COL5A3: variants seen among roughly 807,000 people sequenced by gnomAD.
COL5A3 encodes the protein collagen alpha-3(V) chain.
Under a neutral mutation model 250.0 loss-of-function variants are expected in COL5A3, and 172 were observed. The observed-to-expected ratio is 0.69, with a 90% CI of 0.61 to 0.78. The LOEUF (loss-of-function observed/expected upper bound fraction) is 0.78. Ranked by LOEUF, COL5A3 falls within the 30% of genes least tolerant of loss-of-function variation. COL5A3 has a pLI of 0.00. For missense variants in COL5A3, 2,340 were observed against 2,334.4 expected (o/e 1.00, Z -0.05); for synonymous variants, 937 against 900.4 (o/e 1.04, Z -0.73).
In COL5A3 at chr19:10,004,214, C is replaced by T. The variant is rs2087406787; in HGVS notation, c.595-69G>A. 8.6e-6 allele frequency: 10 copies of T among 1,161,976 alleles called. No individual in the cohort carries two copies. The South Asian group carries it at 8.8e-5, about 10-fold the overall frequency. The allele number at this position is 1,161,976 out of a possible 1,614,324, so 72.0% of individuals were successfully genotyped here. On this transcript the variant is annotated intron_variant, in intron 4 of 66. Transcript: ENST00000264828. ...CCATAGGCTTACTCTGACCCCCTAACCCCCAGCAGTCCTGCCCACCTCCTG... is the reference window on the plus strand; with the variant it reads ...CCATAGGCTTACTCTGACCCCCTAATCCCCAGCAGTCCTGCCCACCTCCTG...
Position 9,997,505 on chromosome 19 carries a change from T to A in COL5A3, c.1201-72A>T, listed in dbSNP as rs537812392. 1.2e-5 allele frequency: 12 copies of A among 990,142 alleles called. No individual in the cohort carries two copies. The South Asian group carries it at 1.9e-4, about 15-fold the overall frequency. The allele number at this position is 990,142 out of a possible 1,614,324, so 61.3% of individuals were successfully genotyped here. On this transcript the variant is annotated intron_variant, in intron 10 of 66. Transcript: ENST00000264828. ...GCTAGGCTGACTTTCAACCTACCAC[T>A]GACTCTAACCTCAGGCTGACCTCCC...
Position 10,005,798 on chromosome 19 carries a change from G to C in COL5A3, c.435C>G (p.Gly145=), listed in dbSNP as rs915268885. The change falls in exon 3 of 67, where the codon GGC becomes GGG. Residue 145 remains glycine, a splice_region_variant and synonymous_variant. Transcript: ENST00000264828. ...PLPQQVNLTD[G]RWHRVAVSID... is the part of the protein sequence containing the mutation. ...CCGCCCACTCTCCCCATGCTCACCT[G>C]CCATCTGTGAGGTTGACCTGCTGGG... 1 of 1,609,588 alleles carries C rather than the reference G, an allele frequency of 6.2e-7. No homozygotes were observed. Among genetic ancestry groups the C allele is most frequent in the East Asian group, 2.2e-5 (1 of 44,802 alleles).
Position 9,993,036 on chromosome 19 carries a change from T to C in COL5A3, c.1781A>G (p.Gln594Arg). The change falls in exon 20 of 67, where the codon CAG (glutamine) becomes CGG (arginine). Residue 594 changes from glutamine (Q) to arginine (R), a missense_variant. Physicochemically the swap from Gln to Arg is conservative, Grantham distance 43 (BLOSUM62 1). Coordinates refer to ENST00000264828, the MANE Select transcript of COL5A3 (RefSeq NM_015719.4). ...GAEGPPGPTG[Q>R]AGEPGPRGLL... Reference sequence around the variant, plus strand: ...CCTGATACTCACCGGCTCCCCAGCCTGGCCAGTGGGCCCTGGAGGTCCCTC... The same window carrying C: ...CCTGATACTCACCGGCTCCCCAGCCCGGCCAGTGGGCCCTGGAGGTCCCTC... 1 of 1,613,892 alleles carries C rather than the reference T, an allele frequency of 6.2e-7. No individual in the cohort carries two copies.
At chr19:9,974,011 C>A (rs751909310) in intron 47 of COL5A3, 39 bp from the exon 48 acceptor site, 1 of 1,525,700 alleles carries the variant, frequency 6.6e-7, no homozygotes, top group Admixed American at 2.1e-5. Flanking sequence ...GACCCCAGGC[C>A]CCTCTCCCCA....
At chr19:9,966,258 G>A in intron 64 of COL5A3, 56 bp downstream of exon 64, 2 of 1,316,192 alleles carry the variant, frequency 1.5e-6, no homozygotes, top group Non-Finnish European at 2.2e-6. Flanking sequence ...TTGTGGGTGT[G>A]GGGAGCAGGG....
At position 9,976,577 on chromosome 19, in the gene COL5A3, G is replaced by T; in HGVS notation, c.3323C>A (p.Ala1108Glu). The change falls in exon 45 of 67, where the codon GCA becomes GAA. Residue 1108 changes from alanine to glutamate, a missense_variant. By Grantham distance (107) the Ala-to-Glu change is moderately radical. This residue lies in a region of COL5A3 where 1,179 missense variants were observed against 1,162.6 expected (regional missense o/e 1.01). Coordinates refer to ENST00000264828, the MANE Select transcript of COL5A3 (RefSeq NM_015719.4). ...PPGQPGIRGP[A>E]GHPGPPGADG... ...ACTCACCGGGGGACCTGGGTGTCCTGCAGGACCCCGTATCCCTGGTTGTCC... is the reference window on the plus strand; with the variant it reads ...ACTCACCGGGGGACCTGGGTGTCCTTCAGGACCCCGTATCCCTGGTTGTCC... 1 of 1,569,312 alleles carries T rather than the reference G, an allele frequency of 6.4e-7. No individual in the cohort carries two copies. The highest frequency in any genetic ancestry group is 8.6e-7 in the Non-Finnish European group (1 of 1,164,754).
chr19:9,986,043 C>T, intron 30 of COL5A3, 148 bp from the exon 31 acceptor site: 2 of 753,388 alleles, frequency 2.7e-6, no homozygotes, highest in South Asian at 3.2e-5. Flanking sequence ...CTGCTAGGGG[C>T]ATGTCCTTGG....
Position 9,976,610 on chromosome 19 carries a change from C to A in COL5A3, c.3290G>T (p.Gly1097Val). ...CCGTATCCCTGGTTGTCCAGGTGGG[C>A]CCTGGGAGAACAGGAAACAGAATCA... ...KGSKGDKGDA[G>V]PPGQPGIRGP... is the part of the protein sequence containing the mutation. Residue 1097 changes from glycine to valine, a missense_variant and splice_region_variant, in exon 45 of 67, where the codon GGC (glycine) becomes GTC (valine). Physicochemically the swap from Gly to Val is moderately radical, Grantham distance 109. This residue lies in a region of COL5A3 where 1,179 missense variants were observed against 1,162.6 expected (regional missense o/e 1.01). Coordinates refer to ENST00000264828, the MANE Select transcript of COL5A3 (RefSeq NM_015719.4). 1 of 1,576,478 alleles carries A rather than the reference C, an allele frequency of 6.3e-7. No homozygotes were observed. Among genetic ancestry groups the A allele is most frequent in the Non-Finnish European group, 8.6e-7 (1 of 1,164,950 alleles).
At position 10,010,306 on chromosome 19, in the gene COL5A3, G is replaced by C; in HGVS notation, c.80C>G (p.Thr27Arg). 1 of 1,449,660 alleles carries C rather than the reference G, an allele frequency of 6.9e-7. No homozygotes were observed. The highest frequency in any genetic ancestry group is 9.1e-7 in the Non-Finnish European group (1 of 1,095,682). 89.8% of individuals were successfully genotyped at this position (1,449,660 alleles called of 1,614,324 possible). A position where few individuals can be genotyped will look rare whatever the true frequency, so the allele number is the denominator to read the frequency against. The change falls in exon 1 of 67, where the codon ACG becomes AGG. Residue 27 changes from threonine (T) to arginine (R), a missense_variant. Physicochemically the swap from Thr to Arg is moderately conservative, Grantham distance 71. This residue lies in a region of COL5A3 where 1,152 missense variants were observed against 1,146.3 expected (regional missense o/e 1.00). Transcript: ENST00000264828. ...CTTCCCTCCCGGCTCACCGGCCTGCGTCCCCGGCAGAAGCTGCAGCGCGGC... is the reference window on the plus strand; with the variant it reads ...CTTCCCTCCCGGCTCACCGGCCTGCCTCCCCGGCAGAAGCTGCAGCGCGGC... ...LLAALQLLPG[T>R]QADPVDVLKA...
intron 47 of COL5A3, 38 bp from the exon 48 acceptor site, chr19:9,974,010 C>T: frequency 6.6e-7 from 1 of 1,525,722 alleles, no homozygotes; most frequent in Non-Finnish European, 8.8e-7. Context: ...TGACCCCAGG[C>T]CCCTCTCCCC....
In COL5A3 at chr19:9,993,683, A is replaced by T; in HGVS notation, c.1642-11T>A. 1 of 1,614,044 alleles carries T rather than the reference A, an allele frequency of 6.2e-7. No homozygotes were observed. The highest frequency in any genetic ancestry group is 8.5e-7 in the Non-Finnish European group (1 of 1,179,996). The stretch of plus-strand genomic sequence containing the variant: ...GAAGCCACGATCACCCTGTCCAGAG[A>T]CACCAGTGAGCCTTGACCCCATAAG... On this transcript the variant is annotated splice_polypyrimidine_tract_variant and intron_variant, in intron 17 of 66. Coordinates refer to ENST00000264828, the MANE Select transcript of COL5A3 (RefSeq NM_015719.4).
chr19:9,992,094 G>T (rs747191840), intron 21 of COL5A3, 46 bp from the exon 22 acceptor site: 18 of 1,578,902 alleles, frequency 1.1e-5, no homozygotes, highest in Admixed American at 1.7e-5. Context: ...AACAAGCTGG[G>T]AGCCTGAGTC....
chr19:9,982,047 C>T lies in COL5A3; in HGVS notation c.2460+18G>A, dbSNP rs1427417902. 2 of 1,601,310 alleles carry T rather than the reference C, an allele frequency of 1.2e-6. No individual in the cohort carries two copies. The highest frequency in any genetic ancestry group is 4.5e-5 in the East Asian group (2 of 44,710). On this transcript the variant is annotated intron_variant, in intron 32 of 66. Transcript: ENST00000264828. ...CAGACAAGTTCTCCCCTCTCCCTTA[C>T]CCCCGGTCATGACTCACCGACTTCC...
chr19:9,974,612 A>C (rs1437546660), intron 45 of COL5A3, among the ~76,000 whole-genome samples: 4 of 152,264 alleles, frequency 2.6e-5, no homozygotes, highest in Admixed American at 2.0e-4. Context: ...AGTGTTAAAC[A>C]GTGAGTCGGA....
intron 41 of COL5A3, 125 bp downstream of exon 41, chr19:9,978,449 C>T (rs2086954099): frequency 2.9e-6 from 2 of 689,114 alleles, no homozygotes; most frequent in East Asian, 2.9e-5. Flanking sequence ...ATCTTGAACT[C>T]CTGACCTCAA....
chr19:9,996,018 G>A (rs2087264759), intron 15 of COL5A3, 48 bp downstream of exon 15: 2 of 1,471,216 alleles, frequency 1.4e-6, no homozygotes, highest in Non-Finnish European at 1.8e-6. Context: ...TGTGGTCCTG[G>A]GGGAAGGCTA....
rs550102930 is a variant in COL5A3, at chr19:10,002,263, G to A, written c.850-382C>T. ...TGGCCTGGACAGCTGCAGAGGAACT[G>A]GGTCAAGGTGGGGGTTGGGGGGGTG... On this transcript the variant is annotated intron_variant, in intron 6 of 66. Transcript: ENST00000264828. Among the ~76,000 whole-genome samples the A allele has an allele frequency of 2.6e-3, 395 of 151,854 alleles. 2 individuals are homozygous for A. Among genetic ancestry groups the A allele is most frequent in the African/African-American group, 9.4e-3 (387 of 41,390 alleles).
intron 50 of COL5A3, among the ~76,000 whole-genome samples, chr19:9,973,231 A>G (rs1861888639): frequency 6.6e-6 from 1 of 152,144 alleles, no homozygotes; most frequent in South Asian, 2.1e-4. Context: ...CCCATTGGTC[A>G]TGTGCAAGGT....
At position 10,010,462 on chromosome 19, in the gene COL5A3, A is replaced by G; in HGVS notation, c.-77T>C. 1.0e-6 allele frequency: 1 copy of G among 991,930 alleles called. No individual in the cohort carries two copies. Among genetic ancestry groups the G allele is most frequent in the Non-Finnish European group, 1.3e-6 (1 of 741,492 alleles). 61.4% of individuals were successfully genotyped at this position (991,930 alleles called of 1,614,324 possible). A position where few individuals can be genotyped will look rare whatever the true frequency, so the allele number is the denominator to read the frequency against. ...CGCGGCGACTTCTCGGGCTCGGTGC[A>G]GTCACTCGCGGCGGCCGCTCCTCTC... On this transcript the variant is annotated 5_prime_UTR_variant, in exon 1 of 67. Transcript: ENST00000264828.
Sources: allele counts gnomAD v4.1 joint callset (sites outside exome capture counted in the v4.1 genomes callset), GRCh38; gene constraint gnomAD v4.1.1; regional missense constraint gnomAD v4.1.1; transcripts MANE v1.5; gene names NCBI Gene and HGNC (gene_info 2026-07-23, HGNC 2026-07-21).